Variants in BNC2 observed in about 807,000 individuals in gnomAD.
The protein encoded by BNC2 is zinc finger protein basonuclin-2.
BNC2 carries 20 observed loss-of-function variants against 76.3 expected under a neutral mutation model. The observed-to-expected ratio is 0.26, with a 90% CI of 0.18 to 0.38. The LOEUF (loss-of-function observed/expected upper bound fraction) is 0.38, where lower values mean the gene tolerates loss of function less well. Ranked by LOEUF, BNC2 falls within the 10% of genes least tolerant of loss-of-function variation. BNC2 has a pLI of 1.00. For synonymous variants in BNC2, 582 were observed against 514.8 expected (o/e 1.13, Z -1.77); for missense variants, 1,382 against 1,399.8 (o/e 0.99, Z 0.20).
chr9:16,801,889 TC>T, intron 1 of BNC2, among the ~76,000 whole-genome samples: 1 of 152,256 alleles, frequency 6.6e-6, no homozygotes, highest in Non-Finnish European at 1.5e-5. Context: ...TGGTTCTGGC[TC>T]AAGTCTGAAG....
intron 5 of BNC2, among the ~76,000 whole-genome samples, chr9:16,452,044 G>C (rs943288462): frequency 6.6e-6 from 1 of 152,206 alleles, no homozygotes; most frequent in Non-Finnish European, 1.5e-5. Flanking sequence ...ACCTGGTCGA[G>C]TGCTTTTCCT....
At chr9:16,768,734 C>T (rs1339759563) in intron 1 of BNC2, among the ~76,000 whole-genome samples, 1 of 152,084 alleles carries the variant, frequency 6.6e-6, no homozygotes, top group African/African-American at 2.4e-5. Context: ...ATTGGAGAAA[C>T]AGAAAAACTG....
chr9:16,571,204 G>C (rs1010181423), intron 4 of BNC2, among the ~76,000 whole-genome samples: 2 of 151,924 alleles, frequency 1.3e-5, no homozygotes, highest in African/African-American at 2.4e-5. Flanking sequence ...TTAGTAAAAG[G>C]GCTTCTTAAT....
chr9:16,771,617 C>G (rs1586870619), intron 1 of BNC2, among the ~76,000 whole-genome samples: 1 of 152,202 alleles, frequency 6.6e-6, no homozygotes, highest in Non-Finnish European at 1.5e-5. Context: ...AGCCCACCAA[C>G]AGCAATACAT....
At chr9:16,455,870 T>G (rs1014042133) in intron 5 of BNC2, among the ~76,000 whole-genome samples, 2 of 152,206 alleles carry the variant, frequency 1.3e-5, no homozygotes, top group Admixed American at 6.5e-5. Flanking sequence ...TATTTTACTT[T>G]TCATACCTAG....
intron 3 of BNC2, among the ~76,000 whole-genome samples, chr9:16,611,755 A>G (rs1245362919): frequency 6.6e-6 from 1 of 152,190 alleles, no homozygotes; most frequent in Non-Finnish European, 1.5e-5. Context: ...GTGTTTATCA[A>G]ATTCTCTGGA....
intron 1 of BNC2, chr9:16,775,661 G>T: frequency 4.9e-6 from 1 of 205,720 alleles, no homozygotes; most frequent in African/African-American, 2.3e-5. Context: ...TTCCAGCCTG[G>T]TCTGCTGGTC....
At chr9:16,724,200 G>C (rs1468045212) in intron 3 of BNC2, among the ~76,000 whole-genome samples, 1 of 151,750 alleles carries the variant, frequency 6.6e-6, no homozygotes, top group Non-Finnish European at 1.5e-5. Context: ...TACCTTTATG[G>C]TTTCCTTTCT....
intron 1 of BNC2, among the ~76,000 whole-genome samples, chr9:16,851,675 G>A (rs1282355784): frequency 2.6e-5 from 4 of 152,148 alleles, no homozygotes; most frequent in Non-Finnish European, 2.9e-5. Context: ...CAATAAAACT[G>A]TTTTTAAAAA....
At chr9:16,854,319 C>T (rs1449773528) in intron 1 of BNC2, among the ~76,000 whole-genome samples, 2 of 152,156 alleles carry the variant, frequency 1.3e-5, no homozygotes, top group African/African-American at 4.8e-5. Context: ...ACACAATGTA[C>T]AGAATTATTA....
rs148057123 is a variant in BNC2 at position 16,661,638 on chromosome 9, G to C, written c.330+66159C>G. Among the ~76,000 whole-genome samples, 53 of 152,156 alleles carry C rather than the reference G, an allele frequency of 3.5e-4. 1 individual carries two copies. In the East Asian group the frequency reaches 0.01, roughly 29 times the overall value. On this transcript the variant is annotated intron_variant, in intron 3 of 6. Coordinates refer to ENST00000380672, the MANE Select transcript of BNC2 (RefSeq NM_017637.6). ...TGCTTTGGAGACTCCTATTAAGCAGGCATGAACATCTAATGATCTTATTTT... is the reference window on the plus strand; with the variant it reads ...TGCTTTGGAGACTCCTATTAAGCAGCCATGAACATCTAATGATCTTATTTT...
At chr9:16,824,928 G>T (rs1818418357) in intron 1 of BNC2, among the ~76,000 whole-genome samples, 1 of 152,076 alleles carries the variant, frequency 6.6e-6, no homozygotes, top group African/African-American at 2.4e-5. Context: ...GATACGGTTT[G>T]ACCAGGCTAA....
At chr9:16,469,734 A>T (rs1821779646) in intron 5 of BNC2, among the ~76,000 whole-genome samples, 2 of 152,218 alleles carry the variant, frequency 1.3e-5, no homozygotes, top group South Asian at 4.1e-4. Flanking sequence ...AGATGTGTTG[A>T]ATGGCTTTGC....
chr9:16,468,308 G>A (rs1451281547), intron 5 of BNC2, among the ~76,000 whole-genome samples: 1 of 152,076 alleles, frequency 6.6e-6, no homozygotes, highest in Non-Finnish European at 1.5e-5. Context: ...CGCTACTAGA[G>A]TTACAATAAC....
At chr9:16,565,112 C>G (rs1819132202) in intron 4 of BNC2, among the ~76,000 whole-genome samples, 2 of 152,092 alleles carry the variant, frequency 1.3e-5, no homozygotes, top group African/African-American at 4.8e-5. Flanking sequence ...CTGATTTGGT[C>G]TCTCTCTGTT....
chr9:16,478,291 C>G (rs991690805), intron 5 of BNC2, among the ~76,000 whole-genome samples: 3 of 152,166 alleles, frequency 2.0e-5, no homozygotes, highest in African/African-American at 7.2e-5. Flanking sequence ...CGTGGTCAGT[C>G]TGCAGACCCT....
At chr9:16,658,829 C>A (rs7043372) in intron 3 of BNC2, among the ~76,000 whole-genome samples, 3,969 of 152,188 alleles carry the variant, frequency 0.026, 187 homozygotes, top group African/African-American at 0.09. Context: ...TATGCCCACA[C>A]CCCCCACCCA....
chr9:16,629,195 TTACTC>T (rs1384117287), intron 3 of BNC2, among the ~76,000 whole-genome samples: 1 of 152,216 alleles, frequency 6.6e-6, no homozygotes, highest in East Asian at 1.9e-4. Flanking sequence ...GCCAAACACA[TTACTC>T]TAAACTATAA....
chr9:16,763,509 G>A lies in BNC2; in HGVS notation c.4-25024C>T, dbSNP rs527898056. Among the ~76,000 whole-genome samples, 43 of 152,178 alleles carry A rather than the reference G, an allele frequency of 2.8e-4. No individual in the cohort carries two copies. The South Asian group carries it at 8.7e-3, about 31-fold the overall frequency. ...CACTTGAGCCCAGGAGGTTGAGGCTGCAGTGAGCTGTGTTCACACCACTGC... is the reference window on the plus strand; with the variant it reads ...CACTTGAGCCCAGGAGGTTGAGGCTACAGTGAGCTGTGTTCACACCACTGC... On this transcript the variant is annotated intron_variant, in intron 1 of 6. Coordinates refer to ENST00000380672, the MANE Select transcript of BNC2 (RefSeq NM_017637.6).
Sources: allele counts gnomAD v4.1 joint callset (sites outside exome capture counted in the v4.1 genomes callset), GRCh38; gene constraint gnomAD v4.1.1; transcripts MANE v1.5; gene names NCBI Gene and HGNC (gene_info 2026-07-23, HGNC 2026-07-21).